Variants in SLIT1 observed in about 807,000 individuals in gnomAD.
SLIT1 encodes slit guidance ligand 1.
Under a neutral mutation model 186.1 loss-of-function variants are expected in SLIT1, and 66 were observed. The observed-to-expected ratio is 0.35, with a 90% CI of 0.29 to 0.44. The LOEUF (loss-of-function observed/expected upper bound fraction) is 0.44. Ranked by LOEUF, SLIT1 falls within the 20% of genes least tolerant of loss-of-function variation. The probability of loss-of-function intolerance (pLI) is 1.00; values close to 1 mark genes in which losing one functional copy is unlikely to be tolerated. For missense variants in SLIT1, 1,638 were observed against 2,037.4 expected (o/e 0.80, Z 3.77); for synonymous variants, 761 against 833.8 (o/e 0.91, Z 1.50).
chr10:97,056,425 A>G lies in SLIT1; in HGVS notation c.1197T>C (p.Asp399=), dbSNP rs758265663. The change falls in exon 13 of 37, where the codon GAT becomes GAC. Residue 399 remains aspartate (D), a synonymous_variant. Transcript: ENST00000266058. ...AGAGGTTCTGCAGGTCCTGGAAGGC[A>G]TCGGGCCGGATGCAGTTGATCTTGT... The part of the protein sequence containing the change: ...NANKINCIRP[D]AFQDLQNLSL... The G allele has an allele frequency of 6.2e-7, 1 of 1,614,182 alleles. No homozygotes were observed.
At chr10:97,028,608 T>C (rs1848566383) in intron 25 of SLIT1, among the ~76,000 whole-genome samples, 1 of 152,228 alleles carries the variant, frequency 6.6e-6, no homozygotes, top group Admixed American at 6.5e-5. Flanking sequence ...CTAGTTCCTT[T>C]CCAATGACAG....
intron 4 of SLIT1, among the ~76,000 whole-genome samples, chr10:97,145,354 G>T (rs762499862): frequency 3.3e-5 from 5 of 152,048 alleles, no homozygotes; most frequent in Non-Finnish European, 7.4e-5. Flanking sequence ...CTGACCTCGC[G>T]ACCCACCCTC....
At chr10:97,064,296 C>G (rs772096884) in intron 6 of SLIT1, 57 bp from the exon 7 acceptor site, 3 of 1,426,192 alleles carry the variant, frequency 2.1e-6, no homozygotes, top group Admixed American at 1.7e-5. Context: ...TGATGTGGGA[C>G]AGGGCCGCCC....
chr10:97,151,541 G>T (rs1337611246), intron 4 of SLIT1, among the ~76,000 whole-genome samples: 1 of 151,636 alleles, frequency 6.6e-6, no homozygotes, highest in African/African-American at 2.4e-5. Context: ...GATGGGAGGT[G>T]AAGGGCAGTG....
At chr10:97,107,165 G>A (rs1427711296) in intron 4 of SLIT1, among the ~76,000 whole-genome samples, 1 of 152,234 alleles carries the variant, frequency 6.6e-6, no homozygotes, top group Non-Finnish European at 1.5e-5. Context: ...GGAAACAAAA[G>A]ATAAAGCACT....
intron 4 of SLIT1, among the ~76,000 whole-genome samples, chr10:97,147,318 A>T (rs992013793): frequency 2.6e-5 from 4 of 152,198 alleles, no homozygotes. Flanking sequence ...TATATTGGGG[A>T]TGTTGAAAAC....
intron 4 of SLIT1, among the ~76,000 whole-genome samples, chr10:97,066,425 T>C (rs1460394852): frequency 1.3e-5 from 2 of 152,136 alleles, no homozygotes; most frequent in Non-Finnish European, 2.9e-5. Context: ...AGTTTGGATA[T>C]TTGGCCCCGC....
rs201438214 is a variant in SLIT1 at position 97,010,509 on chromosome 10, T to C, written c.3341+484A>G. On this transcript the variant is annotated intron_variant, in intron 31 of 36. Transcript: ENST00000266058. The surrounding 1 kb of genome is among the most constrained non-coding windows in gnomAD (Gnocchi z 4.8). Reference sequence around the variant, plus strand: ...GGTGATGGATACACAACTCTGGGAATAAACTAAAAGTCATGGAATTTTACA... The same window carrying C: ...GGTGATGGATACACAACTCTGGGAACAAACTAAAAGTCATGGAATTTTACA... Among the ~76,000 whole-genome samples, 13 of 152,356 alleles carry C rather than the reference T, an allele frequency of 8.5e-5. No individual in the cohort carries two copies. The East Asian group carries it at 2.5e-3, about 29-fold the overall frequency.
intron 1 of SLIT1, among the ~76,000 whole-genome samples, chr10:97,172,294 CCT>C (rs1850201170): frequency 6.6e-6 from 1 of 152,126 alleles, no homozygotes; most frequent in Admixed American, 6.5e-5. Flanking sequence ...GATCCAACTG[CCT>C]CTGTCTCCCA....
intron 3 of SLIT1, among the ~76,000 whole-genome samples, chr10:97,159,020 CA>C (rs1307320460): frequency 6.6e-6 from 1 of 152,060 alleles, no homozygotes; most frequent in African/African-American, 2.4e-5. Flanking sequence ...GTCATCTCTA[CA>C]AAAAATACAA....
intron 4 of SLIT1, among the ~76,000 whole-genome samples, chr10:97,096,670 G>A (rs896978486): frequency 4.6e-5 from 7 of 151,070 alleles, no homozygotes; most frequent in Non-Finnish European, 1.0e-4. Context: ...CAGCCCACCC[G>A]CCCCAGCTCG....
intron 26 of SLIT1, among the ~76,000 whole-genome samples, chr10:97,019,461 C>G (rs937120261): frequency 6.6e-6 from 1 of 152,162 alleles, no homozygotes; most frequent in African/African-American, 2.4e-5. Context: ...TTGGCCAACC[C>G]TTCCTCTTTC....
At chr10:97,133,449 C>G (rs187130593) in intron 4 of SLIT1, among the ~76,000 whole-genome samples, 3 of 152,112 alleles carry the variant, frequency 2.0e-5, no homozygotes, top group African/African-American at 7.2e-5. Context: ...TATGAGGTAC[C>G]TGGAGCTGTC....
chr10:97,087,910 C>G (rs2817686), intron 4 of SLIT1, among the ~76,000 whole-genome samples: 116,888 of 151,930 alleles, frequency 0.77, 45,707 homozygotes, highest in Admixed American at 0.84. Flanking sequence ...CCAAAGTTTG[C>G]TAAGAAAATG....
chr10:97,021,572 T>A lies in SLIT1; in HGVS notation c.2583-159A>T, dbSNP rs1848502636. 6.8e-6 allele frequency among the ~76,000 whole-genome samples: 1 copy of A among 146,462 alleles called. No homozygotes were observed. The highest frequency in any genetic ancestry group is 1.5e-5 in the Non-Finnish European group (1 of 67,226). On this transcript the variant is annotated intron_variant, in intron 25 of 36. Coordinates refer to ENST00000266058, the MANE Select transcript of SLIT1 (RefSeq NM_003061.3). The surrounding 1 kb of genome is among the most constrained non-coding windows in gnomAD (Gnocchi z 4.5). Reference sequence around the variant, plus strand: ...AGTCAGTGCTGCTTTTTTTTTTTTTTCTTTTTTTGAGATGGAGTGTCGCTC... The same window carrying A: ...AGTCAGTGCTGCTTTTTTTTTTTTTACTTTTTTTGAGATGGAGTGTCGCTC...
In SLIT1 at chr10:97,116,393, C is replaced by T. The variant is rs149382797; in HGVS notation, c.413+41425G>A. Among the ~76,000 whole-genome samples the T allele has an allele frequency of 1.3e-3, 202 of 152,242 alleles. No homozygotes were observed. The East Asian group carries it at 0.027, about 20-fold the overall frequency. On this transcript the variant is annotated intron_variant, in intron 4 of 36. Coordinates refer to ENST00000266058, the MANE Select transcript of SLIT1 (RefSeq NM_003061.3). ...AGGTTCTTCCTCCTTAGGGCCTGTC[C>T]GGAGCCCTGGGGTCAACACTGCTTT...
At chr10:97,149,196 G>T (rs1371709708) in intron 4 of SLIT1, among the ~76,000 whole-genome samples, 1 of 152,346 alleles carries the variant, frequency 6.6e-6, no homozygotes, top group African/African-American at 2.4e-5. Context: ...CATGCTGGGC[G>T]CATCAGCCCG....
intron 25 of SLIT1, among the ~76,000 whole-genome samples, chr10:97,026,395 C>T (rs1402820396): frequency 1.3e-5 from 2 of 149,438 alleles, no homozygotes; most frequent in Non-Finnish European, 3.0e-5. Context: ...ACCCGGGAGG[C>T]GGAGGTTGCA....
chr10:97,185,898 C>G lies in SLIT1; in HGVS notation c.-224G>C. On this transcript the variant is annotated 5_prime_UTR_variant, in exon 1 of 37. Coordinates refer to ENST00000266058, the MANE Select transcript of SLIT1 (RefSeq NM_003061.3). ...GGGCGGAGGGGGCTCGGCTCCTCTG[C>G]CGTTTCGCCGCCTGCGTCTCCCTCT... is the stretch of plus-strand genomic sequence containing the variant. The G allele has an allele frequency of 2.0e-6, 1 of 493,180 alleles. No homozygotes were observed. The highest frequency in any genetic ancestry group is 3.5e-6 in the Non-Finnish European group (1 of 282,770). The allele number at this position is 493,180 out of a possible 1,614,324, so 30.6% of individuals were successfully genotyped here. A position where few individuals can be genotyped will look rare whatever the true frequency, so the allele number is the denominator to read the frequency against.
Sources: gnomAD v4.1 joint callset for allele counts (sites outside exome capture counted in the v4.1 genomes callset) on GRCh38, gnomAD v4.1.1 for gene constraint, Gnocchi (gnomAD v3.1) non-coding constraint, MANE v1.5 for transcripts, NCBI Gene and HGNC (gene_info 2026-07-23, HGNC 2026-07-21) for gene names.